Variants in TANC2 observed in about 807,000 individuals in gnomAD.
TANC2 encodes the protein protein TANC2.
TANC2 carries 26 observed loss-of-function variants against 210.5 expected under a neutral mutation model. The ratio of observed to expected loss-of-function variants is 0.12; its 90% CI spans 0.09 to 0.17. The LOEUF (loss-of-function observed/expected upper bound fraction) is 0.17, where lower values mean the gene tolerates loss of function less well. Ranked by LOEUF, TANC2 falls within the 10% of genes least tolerant of loss-of-function variation. TANC2 has a pLI of 1.00. For missense variants in TANC2, 2,129 were observed against 2,608.9 expected (o/e 0.82, Z 4.01); for synonymous variants, 931 against 967.1 (o/e 0.96, Z 0.69).
chr17:63,149,976 G>T (rs1280256093), intron 4 of TANC2: 1 of 152,076 alleles, frequency 6.6e-6, no homozygotes, highest in Non-Finnish European at 1.5e-5. Flanking sequence ...TTAGTTGTCT[G>T]TTGGTTTTGA....
rs747340136 is a variant in TANC2 at position 63,420,346 on chromosome 17, T to C, written c.4616T>C (p.Ile1539Thr). The C allele has an allele frequency of 6.2e-7, 1 of 1,613,832 alleles. No individual in the cohort carries two copies. Among genetic ancestry groups the C allele is most frequent in the Non-Finnish European group, 8.5e-7 (1 of 1,179,860 alleles). Residue 1539 changes from isoleucine (I) to threonine (T), a missense_variant, in exon 28 of 28, where the codon ATC (isoleucine) becomes ACC (threonine). Coordinates refer to ENST00000689528, the Ensembl canonical transcript of TANC2. This position sits in a 1 kb window ranked among gnomAD's most constrained non-coding sequence, Gnocchi z 4.2. ...CCCCCGCATCGGGACTCAGCCTACA[T>C]CTCCAGCTCACCTCTTGGCTCTCAT... is the stretch of plus-strand genomic sequence containing the variant.
chr17:63,335,567 C>T (rs1375885201), intron 11 of TANC2, among the ~76,000 whole-genome samples: 3 of 150,724 alleles, frequency 2.0e-5, no homozygotes, highest in East Asian at 2.0e-4. Context: ...GAGCCGAGAT[C>T]GCACCATTGC....
At chr17:63,154,332 C>T (rs2039763530) in intron 5 of TANC2, 1 of 152,088 alleles carries the variant, frequency 6.6e-6, no homozygotes, top group South Asian at 2.1e-4. Flanking sequence ...GCCCTCTAAT[C>T]CTGTCACTGT....
At chr17:63,303,024 A>G (rs2044772911) in intron 9 of TANC2, among the ~76,000 whole-genome samples, 1 of 152,072 alleles carries the variant, frequency 6.6e-6, no homozygotes, top group East Asian at 1.9e-4. Context: ...AGCCTCCTAA[A>G]GTGCTGGGAT....
At chr17:63,123,247 T>C (rs2038553902) in intron 4 of TANC2, among the ~76,000 whole-genome samples, 1 of 151,942 alleles carries the variant, frequency 6.6e-6, no homozygotes, top group Non-Finnish European at 1.5e-5. Context: ...GAGTTCAGGG[T>C]GGTAGGACGA....
chr17:63,383,284 AATGTC>A (rs1337085644), intron 15 of TANC2, among the ~76,000 whole-genome samples: 1 of 152,206 alleles, frequency 6.6e-6, no homozygotes, highest in Non-Finnish European at 1.5e-5. Flanking sequence ...CCAAATGCAT[AATGTC>A]ATGTATCCAC....
intron 5 of TANC2, among the ~76,000 whole-genome samples, chr17:63,181,546 A>G (rs1461599154): frequency 1.3e-5 from 2 of 152,232 alleles, no homozygotes; most frequent in African/African-American, 4.8e-5. Flanking sequence ...AGAGGTCTGT[A>G]TTTAAAATGC....
At chr17:63,423,335 T>A (rs918177712) in exon 28 of TANC2, 1 of 152,090 alleles carries the variant, frequency 6.6e-6, no homozygotes, top group African/African-American at 2.4e-5. Context: ...AAGACACATC[T>A]TCTAGGTCTC....
exon 28 of TANC2, chr17:63,423,296 G>C (rs968525943): frequency 1.3e-5 from 2 of 152,102 alleles, no homozygotes; most frequent in African/African-American, 4.8e-5. Context: ...GAGATAGACA[G>C]CAAGCTTCTG....
chr17:62,975,913 A>G (rs2031976033), intron 1 of TANC2, among the ~76,000 whole-genome samples: 1 of 152,118 alleles, frequency 6.6e-6, no homozygotes, highest in Non-Finnish European at 1.5e-5. Context: ...GATATATGCC[A>G]GCTCCTCCCA....
intron 3 of TANC2, 83 bp from the exon 4 acceptor site, chr17:63,099,092 C>G: frequency 7.5e-7 from 1 of 1,336,978 alleles, no homozygotes; most frequent in Non-Finnish European, 1.1e-6. Flanking sequence ...ATTTGTTGTT[C>G]TGGATTATCC....
chr17:62,978,187 G>A (rs1239534418), intron 1 of TANC2, among the ~76,000 whole-genome samples: 1 of 152,088 alleles, frequency 6.6e-6, no homozygotes, highest in Non-Finnish European at 1.5e-5. Context: ...TAAAGTATTA[G>A]CAAAATAAAT....
intron 7 of TANC2, among the ~76,000 whole-genome samples, chr17:63,218,983 C>T (rs1233053794): frequency 6.6e-6 from 1 of 151,076 alleles, no homozygotes; most frequent in African/African-American, 2.4e-5. Context: ...GTACCAGCAA[C>T]AAAAAAAATG....
chr17:63,151,198 C>T, intron 4 of TANC2, 72 bp from the exon 5 acceptor site: 1 of 704,708 alleles, frequency 1.4e-6, no homozygotes, highest in Non-Finnish European at 1.7e-6. Flanking sequence ...CTGTTTCTCT[C>T]CCTTCCTTTC....
chr17:63,368,232 A>T, intron 14 of TANC2, among the ~76,000 whole-genome samples: 1 of 152,220 alleles, frequency 6.6e-6, no homozygotes, highest in East Asian at 1.9e-4. Context: ...TTCTGAATGG[A>T]GGAGGGGCTC....
At chr17:63,025,492 A>G (rs1168376981) in intron 2 of TANC2, among the ~76,000 whole-genome samples, 1 of 152,116 alleles carries the variant, frequency 6.6e-6, no homozygotes, top group African/African-American at 2.4e-5. Context: ...TGCCAAATAC[A>G]GTCTTTAAAT....
chr17:63,325,129 G>A (rs1374309422), intron 11 of TANC2, among the ~76,000 whole-genome samples: 1 of 152,088 alleles, frequency 6.6e-6, no homozygotes, highest in Non-Finnish European at 1.5e-5. Context: ...ATATTTAGAA[G>A]AAGTGACCTT....
chr17:62,988,049 G>T (rs2032662827), intron 1 of TANC2, among the ~76,000 whole-genome samples: 1 of 152,112 alleles, frequency 6.6e-6, no homozygotes, highest in African/African-American at 2.4e-5. Context: ...CTTGATGAGA[G>T]TAATAATTTT....
intron 9 of TANC2, among the ~76,000 whole-genome samples, chr17:63,304,321 A>G (rs555755315): frequency 3.2e-4 from 48 of 152,102 alleles, no homozygotes; most frequent in African/African-American, 1.0e-3. Context: ...TTTTCTTGCA[A>G]TGGTCAGGTC....
Sources: gnomAD v4.1 joint callset for allele counts (sites outside exome capture counted in the v4.1 genomes callset) on GRCh38, gnomAD v4.1.1 for gene constraint, Gnocchi (gnomAD v3.1) non-coding constraint, MANE v1.5 for transcripts, NCBI Gene and HGNC (gene_info 2026-07-23, HGNC 2026-07-21) for gene names.